TBC1D10A: variants seen among roughly 807,000 people sequenced by gnomAD.
TBC1D10A encodes the protein EBP50-PDX interactor of 64 kDa.
In TBC1D10A, 24 loss-of-function variants were observed where a neutral mutation model predicts 52.9. The observed-to-expected ratio is 0.45, with a 90% confidence interval of 0.33 to 0.64. TBC1D10A has a LOEUF of 0.64. TBC1D10A is among the 30% of genes least tolerant of loss of function. The pLI is 0.02. For synonymous variants in TBC1D10A, 278 were observed against 282.9 expected (o/e 0.98, Z 0.17); for missense variants, 602 against 687.9 (o/e 0.88, Z 1.40).
At chr22:30,302,718 G>A (rs1328726710) in intron 2 of TBC1D10A, among the ~76,000 whole-genome samples, 5 of 152,222 alleles carry the variant, frequency 3.3e-5, no homozygotes, top group African/African-American at 7.2e-5. Context: ...AGCTGGGCAG[G>A]GGCAGGTCTT....
Position 30,292,425 on chromosome 22 carries a change from G to A in TBC1D10A, c.1477C>T (p.Arg493Cys), listed in dbSNP as rs187717533. Residue 493 changes from arginine to cysteine, a missense_variant, in exon 9 of 9, where the codon CGC (arginine) becomes TGC (cysteine). This residue lies in a region of TBC1D10A where 265 missense variants were observed against 275.1 expected (regional missense o/e 0.96). Coordinates refer to ENST00000215790, the MANE Select transcript of TBC1D10A (RefSeq NM_031937.3). ...DLAPQVSAHH[R>C]SQESLTSQES... ...TGGGACGTCAAGCTCTCCTGGGAGCGGTGGTGGGCTGAGACCTGGGGAGCC... is the reference window on the plus strand; with the variant it reads ...TGGGACGTCAAGCTCTCCTGGGAGCAGTGGTGGGCTGAGACCTGGGGAGCC... 1.3e-5 allele frequency: 21 copies of A among 1,593,220 alleles called. No individual in the cohort carries two copies. The highest frequency in any genetic ancestry group is 4.5e-5 in the East Asian group (2 of 44,632).
At chr22:30,320,350 T>C (rs960534865) in intron 1 of TBC1D10A, among the ~76,000 whole-genome samples, 1 of 151,910 alleles carries the variant, frequency 6.6e-6, no homozygotes, top group African/African-American at 2.4e-5. Context: ...CCCTCCATAC[T>C]GGAAGGGGGA....
Position 30,294,948 on chromosome 22 carries a change from G to A in TBC1D10A, c.632C>T (p.Pro211Leu). ...CCCGGGGCCTGGTGGTACCTCAGCA[G>A]GCATATGCATGAGCAAGACAGCGGC... is the stretch of plus-strand genomic sequence containing the variant. ...PIAAVLLMHM[P>L]AEQAFWCLVQ... The change falls in exon 5 of 9, where the codon CCT (proline) becomes CTT (leucine). Residue 211 changes from proline (P) to leucine (L), a missense_variant. By Grantham distance (98) the Pro-to-Leu change is moderately conservative. Coordinates refer to ENST00000215790, the MANE Select transcript of TBC1D10A (RefSeq NM_031937.3). The A allele has an allele frequency of 6.2e-7, 1 of 1,614,026 alleles. No individual in the cohort carries two copies. Among genetic ancestry groups the A allele is most frequent in the Non-Finnish European group, 8.5e-7 (1 of 1,180,024 alleles).
Position 30,326,848 on chromosome 22 carries a change from C to T in TBC1D10A, c.34G>A (p.Ala12Thr). The T allele has an allele frequency of 1.4e-6, 2 of 1,477,302 alleles. No homozygotes were observed. The highest frequency in any genetic ancestry group is 2.5e-5 in the Admixed American group (1 of 39,532). 91.5% of individuals were successfully genotyped at this position (1,477,302 alleles called of 1,614,324 possible). Residue 12 changes from alanine to threonine, a missense_variant, in exon 1 of 9, where the codon GCG becomes ACG. Coordinates refer to ENST00000215790, the MANE Select transcript of TBC1D10A (RefSeq NM_031937.3). ...GACAGGCTTTCCCCGGCCGCGGGCG[C>T]GCGCGGCCCATTCTCTCCGTTGCTC... is the stretch of plus-strand genomic sequence containing the variant. ...AKSNGENGPRAPAAGESLSGT... is the reference protein window; with the variant it reads ...AKSNGENGPRTPAAGESLSGT...
At chr22:30,292,981 A>AT in intron 8 of TBC1D10A, 130 bp from the exon 9 acceptor site, 1 of 1,038,158 alleles carries the variant, frequency 9.6e-7, no homozygotes, top group Admixed American at 2.1e-5. Context: ...CCCAGGAAGG[A>AT]TGAGGGTCTA....
chr22:30,322,744 T>C lies in TBC1D10A; in HGVS notation c.209+3929A>G, dbSNP rs555272279. Among the ~76,000 whole-genome samples the C allele has an allele frequency of 2.0e-5, 3 of 150,128 alleles. No homozygotes were observed. In the East Asian group the frequency reaches 5.9e-4, roughly 30 times the overall value. On this transcript the variant is annotated intron_variant, in intron 1 of 8. Coordinates refer to ENST00000215790, the MANE Select transcript of TBC1D10A (RefSeq NM_031937.3). ...CCAAGTGGCTAGGACTATAGGTGCA[T>C]GACACCACACCCAACTAATTTTTGT...
intron 1 of TBC1D10A, among the ~76,000 whole-genome samples, chr22:30,322,125 G>A (rs536415706): frequency 3.3e-5 from 5 of 151,974 alleles, no homozygotes; most frequent in Non-Finnish European, 7.4e-5. Context: ...GATTATGGGC[G>A]TGAGCCACTA....
intron 1 of TBC1D10A, among the ~76,000 whole-genome samples, chr22:30,324,116 C>A (rs928533937): frequency 6.6e-6 from 1 of 152,182 alleles, no homozygotes; most frequent in South Asian, 2.1e-4. Flanking sequence ...TGTCTTAAGA[C>A]AACCTTTGGC....
chr22:30,293,515 C>T, intron 8 of TBC1D10A, 136 bp downstream of exon 8: 1 of 1,287,648 alleles, frequency 7.8e-7, no homozygotes, highest in Non-Finnish European at 1.1e-6. Context: ...GAGGTCCACC[C>T]ACATGTTCTG....
At chr22:30,315,454 A>G (rs4820831) in intron 1 of TBC1D10A, among the ~76,000 whole-genome samples, 133,181 of 152,180 alleles carry the variant, frequency 0.88, 58,642 homozygotes, top group African/African-American at 0.97. Flanking sequence ...GTAGAGATAC[A>G]GTTTCGCTAT....
intron 6 of TBC1D10A, 71 bp downstream of exon 6, chr22:30,294,725 T>TGA (rs775462536): frequency 3.1e-6 from 5 of 1,602,650 alleles, no homozygotes; most frequent in Non-Finnish European, 4.3e-6. Context: ...GGAGTTACTA[T>TGA]GAGAGAAGGG....
At chr22:30,322,062 C>G (rs138208370) in intron 1 of TBC1D10A, among the ~76,000 whole-genome samples, 28 of 151,806 alleles carry the variant, frequency 1.8e-4, no homozygotes, top group African/African-American at 6.8e-4. Context: ...TCATTACAAC[C>G]TCCGCCTCCC....
At position 30,326,889 on chromosome 22, in the gene TBC1D10A, G is replaced by A. The variant is rs776983037; in HGVS notation, c.-8C>T. 5 of 1,474,964 alleles carry A rather than the reference G, an allele frequency of 3.4e-6. No homozygotes were observed. The highest frequency in any genetic ancestry group is 4.5e-6 in the Non-Finnish European group (5 of 1,121,054). The allele number at this position is 1,474,964 out of a possible 1,614,324, so 91.4% of individuals were successfully genotyped here. ...TCCGTTGCTCTTCGCCATCCCAGCC[G>A]CGCCCGCCGCCTGAGCTCCAGCGGC... On this transcript the variant is annotated 5_prime_UTR_variant, in exon 1 of 9. Transcript: ENST00000215790.
intron 1 of TBC1D10A, among the ~76,000 whole-genome samples, chr22:30,310,334 T>G (rs1259800777): frequency 6.6e-6 from 1 of 152,186 alleles, no homozygotes; most frequent in Non-Finnish European, 1.5e-5. Context: ...TAACTAGCAA[T>G]TTCACATCTC....
chr22:30,308,284 A>ATGCCTGCATGCCTGCCTGCCTGCATGCC (rs1221085278), intron 1 of TBC1D10A, among the ~76,000 whole-genome samples: 1 of 119,664 alleles, frequency 8.4e-6, no homozygotes, highest in Non-Finnish European at 1.8e-5. Context: ...CACAGCCTGC[A>ATGCCTGCATGCCTGCCTGCCTGCATGCC]TGCCTGCATG....
chr22:30,326,252 G>A (rs1930770110), intron 1 of TBC1D10A, among the ~76,000 whole-genome samples: 2 of 146,218 alleles, frequency 1.4e-5, no homozygotes, highest in South Asian at 4.5e-4. Context: ...GTGGGAGGGG[G>A]AAAGATGGAG....
At chr22:30,323,262 G>A (rs935478507) in intron 1 of TBC1D10A, among the ~76,000 whole-genome samples, 3 of 152,288 alleles carry the variant, frequency 2.0e-5, no homozygotes, top group African/African-American at 4.8e-5. Context: ...TTACTCCACC[G>A]CAGGCCTGAG....
chr22:30,318,859 A>G, intron 1 of TBC1D10A: 1 of 376,814 alleles, frequency 2.7e-6, no homozygotes, highest in East Asian at 7.4e-5. Context: ...CTTTTATGCA[A>G]CACAGGAGGC....
intron 1 of TBC1D10A, among the ~76,000 whole-genome samples, chr22:30,320,964 A>G (rs1421239282): frequency 2.6e-5 from 4 of 152,178 alleles, no homozygotes; most frequent in African/African-American, 9.6e-5. Flanking sequence ...CGATATAAAC[A>G]GATTGGGTGG....
Sources: gnomAD v4.1 joint callset for allele counts (sites outside exome capture counted in the v4.1 genomes callset) on GRCh38, gnomAD v4.1.1 for gene constraint, gnomAD v4.1.1 regional missense constraint, MANE v1.5 for transcripts, NCBI Gene and HGNC (gene_info 2026-07-23, HGNC 2026-07-21) for gene names.